HACD2: variants seen among roughly 807,000 people sequenced by gnomAD.
HACD2 encodes 3-hydroxyacyl-CoA dehydratase 2, also known as very-long-chain (3R)-3-hydroxyacyl-CoA dehydratase 2.
In HACD2, 15 loss-of-function variants were observed where a neutral mutation model predicts 31.0. The observed-to-expected ratio is 0.48, with a 90% CI of 0.32 to 0.75. HACD2 has a LOEUF of 0.75. Among genes scored for constraint, HACD2 ranks in the 30% least tolerant of loss-of-function variants. HACD2 has a pLI of 0.03. For synonymous variants in HACD2, 115 were observed against 122.2 expected (o/e 0.94, Z 0.39); for missense variants, 283 against 313.0 (o/e 0.90, Z 0.72).
chr3:123,569,967 CGA>C (rs1426716113), intron 2 of HACD2, among the ~76,000 whole-genome samples: 6 of 122,158 alleles, frequency 4.9e-5, no homozygotes, highest in South Asian at 2.7e-4. Context: ...CCAGCGTGGG[CGA>C]GAGAGCAACA....
intron 2 of HACD2, among the ~76,000 whole-genome samples, chr3:123,574,444 T>C (rs1483734): frequency 0.43 from 65,931 of 152,020 alleles, 19,405 homozygotes; most frequent in African/African-American, 0.82. Flanking sequence ...AGTCCATTTG[T>C]ATAAACATAA....
chr3:123,546,706 T>C (rs1209664267), intron 3 of HACD2, among the ~76,000 whole-genome samples: 2 of 152,238 alleles, frequency 1.3e-5, no homozygotes, highest in African/African-American at 2.4e-5. Context: ...AATTCTGGTA[T>C]GCATAACCAA....
intron 2 of HACD2, among the ~76,000 whole-genome samples, chr3:123,573,150 A>G (rs1559935142): frequency 6.6e-6 from 1 of 152,192 alleles, no homozygotes; most frequent in Non-Finnish European, 1.5e-5. Flanking sequence ...TTGTTTTAGG[A>G]ATTATCATAT....
At chr3:123,566,648 G>C (rs1271324153) in intron 3 of HACD2, among the ~76,000 whole-genome samples, 1 of 151,600 alleles carries the variant, frequency 6.6e-6, no homozygotes, top group African/African-American at 2.4e-5. Flanking sequence ...TGTAATCCCA[G>C]CACTTTGGGA....
At chr3:123,572,093 G>C (rs954234609) in intron 2 of HACD2, among the ~76,000 whole-genome samples, 9 of 152,154 alleles carry the variant, frequency 5.9e-5, no homozygotes, top group African/African-American at 2.2e-4. Context: ...GCACTCTGAA[G>C]TGGTGAAGTG....
At chr3:123,500,430 T>C in intron 6 of HACD2, 85 bp downstream of exon 6, 1 of 807,994 alleles carries the variant, frequency 1.2e-6, no homozygotes, top group Non-Finnish European at 1.9e-6. Context: ...TACTTGGATA[T>C]AGTGCAAAGA....
intron 3 of HACD2, chr3:123,543,705 A>G (rs1257608023): frequency 2.4e-6 from 1 of 420,642 alleles, no homozygotes; most frequent in East Asian, 7.5e-5. Flanking sequence ...CACTCGAATT[A>G]TAACAATGTA....
intron 3 of HACD2, among the ~76,000 whole-genome samples, chr3:123,550,829 G>T (rs1408237405): frequency 6.6e-6 from 1 of 152,194 alleles, no homozygotes; most frequent in African/African-American, 2.4e-5. Flanking sequence ...AAGGTACAGT[G>T]GCACCATACA....
rs149856963 is a variant in HACD2, at chr3:123,570,917, T to TACACACACACACACACACACAC, written c.274-3159_274-3138dup. Among the ~76,000 whole-genome samples the TACACACACACACACACACACAC allele has an allele frequency of 4.1e-3, 589 of 144,816 alleles. 6 individuals carry two copies. The highest frequency in any genetic ancestry group is 0.04 in the East Asian group (190 of 4,786). On this transcript the variant is annotated intron_variant, in intron 2 of 6. Transcript: ENST00000383657. ...TTTCACAACCTAGATTTCATACCAT[T>TACACACACACACACACACACAC]ACACACACACACACACACACACACA...
intron 4 of HACD2, 189 bp from the exon 5 acceptor site, chr3:123,502,870 A>C: frequency 1.8e-6 from 1 of 550,794 alleles, no homozygotes; most frequent in Non-Finnish European, 3.2e-6. Context: ...CATCCCAGAG[A>C]TGAGGGCCAA....
intron 3 of HACD2, among the ~76,000 whole-genome samples, chr3:123,541,583 CT>C (rs1258516299): frequency 6.6e-6 from 1 of 152,036 alleles, no homozygotes; most frequent in Non-Finnish European, 1.5e-5. Context: ...AAATATGGTG[CT>C]TTTTTACTAA....
intron 6 of HACD2, chr3:123,499,728 A>C: frequency 2.2e-6 from 1 of 449,060 alleles, no homozygotes; most frequent in South Asian, 1.6e-5. Flanking sequence ...AAATGAGAAG[A>C]ACCACTAACA....
At chr3:123,505,705 G>T (rs572409110) in intron 4 of HACD2, among the ~76,000 whole-genome samples, 3 of 152,272 alleles carry the variant, frequency 2.0e-5, no homozygotes, top group African/African-American at 7.2e-5. Flanking sequence ...CCCCATTTAG[G>T]GAACAGAGTC....
At chr3:123,568,889 C>T (rs991597856) in intron 2 of HACD2, among the ~76,000 whole-genome samples, 1 of 152,172 alleles carries the variant, frequency 6.6e-6, no homozygotes, top group Non-Finnish European at 1.5e-5. Context: ...CTCAGAGAAG[C>T]CACACAACTT....
At position 123,537,108 on chromosome 3, in the gene HACD2, A is replaced by G. The variant is rs9871104; in HGVS notation, c.293-8634T>C. On this transcript the variant is annotated intron_variant, in intron 3 of 6. Coordinates refer to ENST00000383657, the MANE Select transcript of HACD2 (RefSeq NM_198402.5). The stretch of plus-strand genomic sequence containing the variant: ...GACTATATTATAAATGCTATGAACA[A>G]TAATAAATTAATAACAATTTAAAAA... 5.3e-3 allele frequency among the ~76,000 whole-genome samples: 809 copies of G among 152,374 alleles called. 2 individuals carry two copies. The highest frequency in any genetic ancestry group is 0.019 in the African/African-American group (791 of 41,582).
chr3:123,515,608 T>C (rs971981964), intron 4 of HACD2, among the ~76,000 whole-genome samples: 1 of 152,170 alleles, frequency 6.6e-6, no homozygotes, highest in Non-Finnish European at 1.5e-5. Context: ...GGGTCCTTTC[T>C]CTAACTTGAT....
intron 3 of HACD2, among the ~76,000 whole-genome samples, chr3:123,534,355 C>A (rs1280454181): frequency 6.6e-6 from 1 of 151,736 alleles, no homozygotes; most frequent in African/African-American, 2.4e-5. Context: ...ATTCCTGTTA[C>A]CTAGTAATGT....
chr3:123,531,332 CT>C (rs869135796), intron 3 of HACD2, among the ~76,000 whole-genome samples: 14 of 114,954 alleles, frequency 1.2e-4, no homozygotes, highest in African/African-American at 3.5e-4. Flanking sequence ...CTTTTCTTTT[CT>C]TTTTTTGAGA....
intron 3 of HACD2, among the ~76,000 whole-genome samples, chr3:123,529,928 T>C (rs1035322026): frequency 2.6e-5 from 4 of 151,942 alleles, no homozygotes; most frequent in African/African-American, 7.3e-5. Flanking sequence ...AAAAAAAATA[T>C]ATTGAAGATG....
Sources: gnomAD v4.1 joint callset for allele counts (sites outside exome capture counted in the v4.1 genomes callset) on GRCh38, gnomAD v4.1.1 for gene constraint, MANE v1.5 for transcripts, NCBI Gene and HGNC (gene_info 2026-07-23, HGNC 2026-07-21) for gene names.